ZSCAN5C: variants seen among roughly 807,000 people sequenced by gnomAD.
The protein encoded by ZSCAN5C is zinc finger and SCAN domain-containing protein 5C.
ZSCAN5C carries 11 observed loss-of-function variants against 17.3 expected under a neutral mutation model. The ratio of observed to expected loss-of-function variants is 0.64; its 90% CI spans 0.40 to 1.06. ZSCAN5C has a LOEUF of 1.06. ZSCAN5C is among the 50% of genes least tolerant of loss of function. ZSCAN5C has a pLI of 0.00. For synonymous variants in ZSCAN5C, 229 were observed against 208.4 expected (o/e 1.10, Z -0.85); for missense variants, 698 against 538.9 (o/e 1.30, Z -2.92).
At chr19:56,205,152 A>G (rs555142032) in intron 1 of ZSCAN5C, among the ~76,000 whole-genome samples, 1 of 151,920 alleles carries the variant, frequency 6.6e-6, no homozygotes, top group East Asian at 1.9e-4. Context: ...GCTAGAAACT[A>G]GACAGTGGTA....
At chr19:56,209,121 C>T (rs1184944612) in exon 5 of ZSCAN5C, 1 of 1,549,624 alleles carries the variant, frequency 6.5e-7, no homozygotes, top group East Asian at 2.3e-5. Context: ...CACAAATGTT[C>T]CAAGTGTCCA....
chr19:56,205,120 A>G (rs1405397379), intron 1 of ZSCAN5C, among the ~76,000 whole-genome samples: 1 of 151,790 alleles, frequency 6.6e-6, no homozygotes, highest in African/African-American at 2.4e-5. Flanking sequence ...GGTTCCTTTT[A>G]GGGTGATGAG....
chr19:56,208,303 C>T, intron 4 of ZSCAN5C, 119 bp downstream of exon 4: 1 of 683,406 alleles, frequency 1.5e-6, no homozygotes, highest in South Asian at 1.8e-5. Flanking sequence ...GCCTCTCCAT[C>T]CCTTACTCTC....
At position 56,207,487 on chromosome 19, in the gene ZSCAN5C, A is replaced by G. The variant is rs73065802; in HGVS notation, c.588+225A>G. On this transcript the variant is annotated intron_variant, in intron 3 of 4. Coordinates refer to ENST00000534327, the Ensembl canonical transcript of ZSCAN5C. ...GCTTTTAGCATGTAGGGTGGGGGGT[A>G]AGAAATGGTCTCGGTGAAATAACGG... Among the ~76,000 whole-genome samples the G allele has an allele frequency of 1.3e-4, 19 of 150,828 alleles. 1 individual carries two copies. Among genetic ancestry groups the G allele is most frequent in the African/African-American group, 4.7e-4 (19 of 40,562 alleles).
intron 3 of ZSCAN5C, among the ~76,000 whole-genome samples, 192 bp downstream of exon 3, chr19:56,207,454 C>T (rs893090977): frequency 2.0e-5 from 3 of 147,950 alleles, no homozygotes; most frequent in African/African-American, 2.6e-5. Flanking sequence ...TTTCTCTCCA[C>T]CATGAGAGCT....
chr19:56,205,267 A>G (rs1399010730), intron 1 of ZSCAN5C, among the ~76,000 whole-genome samples: 2 of 151,954 alleles, frequency 1.3e-5, no homozygotes, highest in African/African-American at 4.9e-5. Context: ...ATAACAAAAT[A>G]TCTGTGTAGG....
intron 3 of ZSCAN5C, among the ~76,000 whole-genome samples, chr19:56,207,669 G>A (rs757008984): frequency 6.6e-6 from 1 of 151,796 alleles, no homozygotes; most frequent in Non-Finnish European, 1.5e-5. Context: ...CTGCCTTTCC[G>A]GACACATGGC....
intron 1 of ZSCAN5C, among the ~76,000 whole-genome samples, chr19:56,202,961 G>A (rs957220470): frequency 6.6e-6 from 1 of 152,040 alleles, no homozygotes; most frequent in Non-Finnish European, 1.5e-5. Context: ...TCTGCACTAA[G>A]TGTCCCTACC....
At chr19:56,208,800 G>A in exon 5 of ZSCAN5C, 1 of 1,576,034 alleles carries the variant, frequency 6.3e-7, no homozygotes, top group South Asian at 1.1e-5. Context: ...TGCGGCAAGA[G>A]GTTTAAGTAT....
In ZSCAN5C at chr19:56,209,062, C is replaced by A; in HGVS notation, c.1353C>A (p.Tyr451Ter). The change falls in exon 5 of 5, where the codon TAC becomes TAA. Residue 451 changes from tyrosine (Y) to a stop codon, truncating the protein, a stop_gained. Transcript: ENST00000534327. LOFTEE classifies it low-confidence loss of function (END_TRUNC). Reference sequence around the variant, plus strand: ...AAGACTGCAAGAAAGTTTTCACCTACAAGGCAAATCTGAAGGAGCACCAGC... The same window carrying A: ...AAGACTGCAAGAAAGTTTTCACCTAAAAGGCAAATCTGAAGGAGCACCAGC... 1 of 1,605,170 alleles carries A rather than the reference C, an allele frequency of 6.2e-7. No homozygotes were observed. Among genetic ancestry groups the A allele is most frequent in the South Asian group, 1.1e-5 (1 of 90,718 alleles).
exon 5 of ZSCAN5C, chr19:56,208,897 C>T (rs1568592112): frequency 8.1e-6 from 13 of 1,606,976 alleles, no homozygotes; most frequent in Non-Finnish European, 9.4e-6. Flanking sequence ...TCATGCAGCG[C>T]ATAGGCCTGC....
chr19:56,204,234 A>G (rs3097898), intron 1 of ZSCAN5C, among the ~76,000 whole-genome samples: 48,028 of 139,350 alleles, frequency 0.34, 5,790 homozygotes, highest in Middle Eastern at 0.52. Context: ...TACCTGCCCC[A>G]GAGCGGGATT....
intron 1 of ZSCAN5C, among the ~76,000 whole-genome samples, chr19:56,204,393 T>C (rs915966092): frequency 4.6e-5 from 7 of 151,622 alleles, no homozygotes; most frequent in African/African-American, 1.2e-4. Flanking sequence ...TGTGTCTTTT[T>C]GGGAACAGCC....
chr19:56,203,704 C>A (rs1297857773), intron 1 of ZSCAN5C, among the ~76,000 whole-genome samples: 2 of 136,304 alleles, frequency 1.5e-5, no homozygotes, highest in Non-Finnish European at 3.0e-5. Context: ...GGCTGGAGTG[C>A]AATGGCGCGA....
exon 3 of ZSCAN5C, chr19:56,207,119 G>A (rs1568590835): frequency 1.3e-6 from 1 of 758,216 alleles, no homozygotes. Flanking sequence ...GGAGATGGCT[G>A]AAGCCCCCGC....
At chr19:56,208,668 G>A (rs765688843) in exon 5 of ZSCAN5C, 4 of 1,612,622 alleles carry the variant, frequency 2.5e-6, no homozygotes, top group Non-Finnish European at 2.5e-6. Context: ...ACACCTGTGG[G>A]CAACAGAGAA....
chr19:56,209,034 G>A lies in ZSCAN5C; in HGVS notation c.1325G>A (p.Cys442Tyr), dbSNP rs531838465. 680 of 1,612,156 alleles carry A rather than the reference G, an allele frequency of 4.2e-4. 16 individuals carry two copies. In the African/African-American group the frequency reaches 8.6e-3, roughly 20 times the overall value. Residue 442 changes from cysteine (C) to tyrosine (Y), a missense_variant, in exon 5 of 5, where the codon TGT becomes TAT. Coordinates refer to ENST00000534327, the Ensembl canonical transcript of ZSCAN5C. ...CACACAGGGGAGAAGCCCTTCGAAT[G>A]TAAAGACTGCAAGAAAGTTTTCACC...
exon 5 of ZSCAN5C, chr19:56,209,150 G>C (rs754419585): frequency 5.2e-6 from 7 of 1,355,752 alleles, no homozygotes; most frequent in Non-Finnish European, 7.3e-6. Context: ...CGGTCGGCCG[G>C]CGACCTTAAG....
exon 2 of ZSCAN5C, chr19:56,205,997 C>T: frequency 2.5e-6 from 4 of 1,599,376 alleles, no homozygotes; most frequent in Non-Finnish European, 3.4e-6. Context: ...CCATGCCATC[C>T]CCAGCAACTC....
Sources: gnomAD v4.1 joint callset for allele counts (sites outside exome capture counted in the v4.1 genomes callset) on GRCh38, gnomAD v4.1.1 for gene constraint, MANE v1.5 for transcripts, NCBI Gene and HGNC (gene_info 2026-07-23, HGNC 2026-07-21) for gene names.